ARK2C: variants seen among roughly 807,000 people sequenced by gnomAD.
ARK2C encodes E3 ubiquitin-protein ligase ARK2C.
chr18:46,419,192 A>G, the ARK2C span, among the ~76,000 whole-genome samples: 2 of 152,168 alleles, frequency 1.3e-5, no homozygotes, highest in East Asian at 3.9e-4. Flanking sequence ...CTGGTATTTT[A>G]CTACAGACGG....
At chr18:46,337,064 G>A in the ARK2C span, 16 of 985,154 alleles carry the variant, frequency 1.6e-5, no homozygotes, top group Middle Eastern at 5.2e-4. Context: ...TTTAACAGCC[G>A]GCTCCCTTCT....
the ARK2C span, among the ~76,000 whole-genome samples, chr18:46,416,127 A>G: frequency 6.6e-6 from 1 of 152,202 alleles, no homozygotes; most frequent in Non-Finnish European, 1.5e-5. Flanking sequence ...CACATCTGGG[A>G]AAAGGCTGGG....
the ARK2C span, among the ~76,000 whole-genome samples, chr18:46,389,715 G>A: frequency 4.6e-5 from 7 of 151,956 alleles, no homozygotes; most frequent in African/African-American, 1.7e-4. Flanking sequence ...TCTCCAGGAA[G>A]TGAAATGGTC....
the ARK2C span, among the ~76,000 whole-genome samples, chr18:46,404,908 G>A: frequency 4.6e-5 from 7 of 152,108 alleles, no homozygotes; most frequent in Non-Finnish European, 7.3e-5. Flanking sequence ...GAGAAGTTAC[G>A]TGAGGTGCTC....
chr18:46,445,777 G>A, the ARK2C span, among the ~76,000 whole-genome samples: 3 of 152,128 alleles, frequency 2.0e-5, no homozygotes, highest in Admixed American at 6.6e-5. Context: ...GTTATATAAC[G>A]TCTGAAAACA....
chr18:46,384,467 C>T, the ARK2C span, among the ~76,000 whole-genome samples: 5 of 152,128 alleles, frequency 3.3e-5, no homozygotes, highest in South Asian at 2.1e-4. Context: ...TATCTGGTGG[C>T]GACTTTCTTT....
chr18:46,425,312 G>C, the ARK2C span, among the ~76,000 whole-genome samples: 114,628 of 152,178 alleles, frequency 0.75, 44,463 homozygotes, highest in Admixed American at 0.85. Context: ...TGGTCAGCTG[G>C]CAGGCCTGCA....
chr18:46,440,079 C>T, the ARK2C span, among the ~76,000 whole-genome samples: 47 of 152,250 alleles, frequency 3.1e-4, no homozygotes, highest in South Asian at 8.1e-3. Context: ...ATACCCGCCT[C>T]GGACTCTCAA....
At chr18:46,456,814 G>A in the ARK2C span, 324 of 592,930 alleles carry the variant, frequency 5.5e-4, 5 homozygotes, top group Non-Finnish European at 7.8e-4. Context: ...GGTTGGGGAG[G>A]ACCCACCTCT....
chr18:46,363,130 G>C, the ARK2C span, among the ~76,000 whole-genome samples: 1 of 152,212 alleles, frequency 6.6e-6, no homozygotes, highest in African/African-American at 2.4e-5. Context: ...TGCTCAATAA[G>C]TACTTGTAGA....
chr18:46,355,037 C>G, the ARK2C span, among the ~76,000 whole-genome samples: 1 of 152,162 alleles, frequency 6.6e-6, no homozygotes, highest in African/African-American at 2.4e-5. Flanking sequence ...GCAGCCTCCA[C>G]CTCCCAGGTT....
chr18:46,440,374 C>T, the ARK2C span, among the ~76,000 whole-genome samples: 1 of 152,134 alleles, frequency 6.6e-6, no homozygotes. Flanking sequence ...TAGCCTCTTA[C>T]TGTGCCTAAT....
chr18:46,452,564 G>A, the ARK2C span, among the ~76,000 whole-genome samples: 1 of 152,252 alleles, frequency 6.6e-6, no homozygotes, highest in Middle Eastern at 3.4e-3. Context: ...ACAGGCATGA[G>A]CCACCATGCC....
chr18:46,427,443 C>A, the ARK2C span, among the ~76,000 whole-genome samples: 2 of 152,150 alleles, frequency 1.3e-5, no homozygotes, highest in Admixed American at 6.5e-5. Flanking sequence ...GCAGGAGGGG[C>A]TGCTGCGAGG....
the ARK2C span, among the ~76,000 whole-genome samples, chr18:46,342,889 G>A: frequency 6.6e-6 from 1 of 152,242 alleles, no homozygotes; most frequent in South Asian, 2.1e-4. Flanking sequence ...TCATCTATTT[G>A]TTGTTTTTTG....
the ARK2C span, among the ~76,000 whole-genome samples, chr18:46,370,019 A>G: frequency 2.6e-5 from 4 of 152,204 alleles, no homozygotes; most frequent in Non-Finnish European, 5.9e-5. Flanking sequence ...TCTGGGGGCC[A>G]TAACAGCTTC....
chr18:46,413,262 C>T, the ARK2C span, among the ~76,000 whole-genome samples: 7 of 152,114 alleles, frequency 4.6e-5, no homozygotes, highest in African/African-American at 1.2e-4. Flanking sequence ...AAAGCAGCGT[C>T]GCTCAAGCCC....
At chr18:46,358,141 T>C in the ARK2C span, among the ~76,000 whole-genome samples, 1 of 152,232 alleles carries the variant, frequency 6.6e-6, no homozygotes, top group African/African-American at 2.4e-5. Flanking sequence ...AACCTATCTT[T>C]TCAGGGGGCA....
At chr18:46,398,684 G>C in the ARK2C span, among the ~76,000 whole-genome samples, 20 of 152,072 alleles carry the variant, frequency 1.3e-4, no homozygotes, top group East Asian at 2.3e-3. Context: ...GAGAGCACAC[G>C]GTCTAGCCCC....
Sources: allele counts gnomAD v4.1 joint callset (sites outside exome capture counted in the v4.1 genomes callset), GRCh38; gene constraint gnomAD v4.1.1; transcripts MANE v1.5; gene names NCBI Gene and HGNC (gene_info 2026-07-23, HGNC 2026-07-21).